The following FRS2 variants were observed in gnomAD, a reference collection of about 807,000 sequenced individuals.
FRS2 encodes the protein fibroblast growth factor receptor substrate 2.
Under a neutral mutation model 43.9 loss-of-function variants are expected in FRS2, and 8 were observed. That is an observed-to-expected ratio of 0.18 (90% CI 0.11 to 0.33). The LOEUF (loss-of-function observed/expected upper bound fraction) is 0.33. Among genes scored for constraint, FRS2 ranks in the 10% least tolerant of loss-of-function variants. The probability of loss-of-function intolerance (pLI) is 1.00; values close to 1 mark genes in which losing one functional copy is unlikely to be tolerated. For missense variants in FRS2, 534 were observed against 627.6 expected (o/e 0.85, Z 1.59); for synonymous variants, 219 against 220.3 (o/e 0.99, Z 0.05).
At chr12:69,472,160 C>A (rs968157326) in intron 1 of FRS2, among the ~76,000 whole-genome samples, 2 of 152,096 alleles carry the variant, frequency 1.3e-5, no homozygotes, top group Non-Finnish European at 2.9e-5. Context: ...CATCATAGCT[C>A]ACTGCAGCCT....
intron 1 of FRS2, among the ~76,000 whole-genome samples, chr12:69,483,113 A>C (rs1439798120): frequency 6.6e-6 from 1 of 152,240 alleles, no homozygotes; most frequent in Non-Finnish European, 1.5e-5. Context: ...AAAACATCTT[A>C]CATAGATGTC....
At chr12:69,492,552 A>G (rs1354427769) in intron 1 of FRS2, among the ~76,000 whole-genome samples, 2 of 152,228 alleles carry the variant, frequency 1.3e-5, no homozygotes, top group African/African-American at 4.8e-5. Context: ...TATGTTAAGC[A>G]TAGTTTATTC....
At chr12:69,493,732 C>CAA (rs1872657251) in intron 1 of FRS2, among the ~76,000 whole-genome samples, 1 of 151,986 alleles carries the variant, frequency 6.6e-6, no homozygotes, top group Non-Finnish European at 1.5e-5. Flanking sequence ...AAAAACAAAA[C>CAA]AAAACAAAAA....
intron 1 of FRS2, among the ~76,000 whole-genome samples, chr12:69,515,642 C>A (rs563732704): frequency 6.6e-6 from 1 of 152,164 alleles, no homozygotes; most frequent in Non-Finnish European, 1.5e-5. Context: ...AAGACAAATA[C>A]ATGTGGAAGA....
intron 1 of FRS2, among the ~76,000 whole-genome samples, chr12:69,478,845 T>C (rs1267410320): frequency 6.6e-6 from 1 of 152,146 alleles, no homozygotes; most frequent in Non-Finnish European, 1.5e-5. Flanking sequence ...TGGCCGTTCA[T>C]GTTTCTCACT....
At chr12:69,475,054 ATAT>A (rs1371620018) in intron 1 of FRS2, among the ~76,000 whole-genome samples, 1 of 152,204 alleles carries the variant, frequency 6.6e-6, no homozygotes, top group Non-Finnish European at 1.5e-5. Context: ...TGAAAGTTAC[ATAT>A]TTTATTTTGG....
Position 69,577,537 on chromosome 12 carries a change from G to C in FRS2, c.*2582G>C, listed in dbSNP as rs2135833205. On this transcript the variant is annotated 3_prime_UTR_variant, in exon 9 of 9. Transcript: ENST00000549921. ...CTAATTTTAGATAATTCTGTTGGTA[G>C]ACCATGTGATCCTTCTTTTTGGTTT... 6.5e-6 allele frequency: 1 copy of C among 152,700 alleles called. No individual in the cohort carries two copies. Among genetic ancestry groups the C allele is most frequent in the African/African-American group, 2.4e-5 (1 of 41,564 alleles). 9.5% of individuals were successfully genotyped at this position (152,700 alleles called of 1,614,324 possible). A position where few individuals can be genotyped will look rare whatever the true frequency, so the allele number is the denominator to read the frequency against.
At chr12:69,523,467 G>A (rs1565745508) in intron 1 of FRS2, among the ~76,000 whole-genome samples, 1 of 152,188 alleles carries the variant, frequency 6.6e-6, no homozygotes, top group African/African-American at 2.4e-5. Flanking sequence ...GTCCATGGGT[G>A]TCACTGCATG....
At chr12:69,476,439 G>C (rs1573630) in intron 1 of FRS2, among the ~76,000 whole-genome samples, 63,440 of 151,902 alleles carry the variant, frequency 0.42, 14,584 homozygotes, top group African/African-American at 0.61. Context: ...TAAATAACTC[G>C]CCTTTGACAT....
intron 1 of FRS2, among the ~76,000 whole-genome samples, chr12:69,496,303 G>A (rs1434385980): frequency 6.6e-6 from 1 of 152,146 alleles, no homozygotes; most frequent in Non-Finnish European, 1.5e-5. Flanking sequence ...CGGGCGTGGT[G>A]GTGGGCACCT....
intron 3 of FRS2, among the ~76,000 whole-genome samples, chr12:69,557,594 T>TTGTGTGTGTGTGCGTGTG (rs796386936): frequency 1.8e-4 from 25 of 137,078 alleles, no homozygotes; most frequent in African/African-American, 6.3e-4. Context: ...TGAAGGTTGA[T>TTGTGTGTGTGTGCGTGTG]TGTGTGTGTG....
rs777518183 is a variant in FRS2 at position 69,510,292 on chromosome 12, C to T, written c.-260-20573C>T. On this transcript the variant is annotated intron_variant, in intron 1 of 8. Coordinates refer to ENST00000549921, the MANE Select transcript of FRS2 (RefSeq NM_001278356.2). ...TCTGTGCAACTTCTCTGAGTGCCCT[C>T]GGTAGAGTTAATTACTCCTTCTGTG... Among the ~76,000 whole-genome samples the T allele has an allele frequency of 5.9e-5, 9 of 152,222 alleles. No individual in the cohort carries two copies. In the South Asian group the frequency reaches 1.2e-3, roughly 21 times the overall value.
At chr12:69,565,427 G>A (rs486124) in intron 4 of FRS2, among the ~76,000 whole-genome samples, 122,125 of 152,112 alleles carry the variant, frequency 0.8, 49,970 homozygotes, top group African/African-American at 0.95. Flanking sequence ...TTTTTCTTCA[G>A]TAATAAATTA....
intron 1 of FRS2, among the ~76,000 whole-genome samples, chr12:69,526,135 G>T (rs1303862166): frequency 6.6e-6 from 1 of 152,164 alleles, no homozygotes; most frequent in African/African-American, 2.4e-5. Flanking sequence ...GGGATTACAG[G>T]TGTGAGCCAT....
rs572091576 is a variant in FRS2 at position 69,556,195 on chromosome 12, C to T, written c.-121-5985C>T. ...GGATTACAGGCGTAAGCCAGCACACCTGGCCCATATTTAGACTTTTAATAT... is the reference window on the plus strand; with the variant it reads ...GGATTACAGGCGTAAGCCAGCACACTTGGCCCATATTTAGACTTTTAATAT... On this transcript the variant is annotated intron_variant, in intron 3 of 8. Transcript: ENST00000549921. 4.6e-5 allele frequency among the ~76,000 whole-genome samples: 7 copies of T among 152,318 alleles called. No homozygotes were observed. The South Asian group carries it at 1.5e-3, about 32-fold the overall frequency.
chr12:69,526,593 A>C (rs1479434525), intron 1 of FRS2, among the ~76,000 whole-genome samples: 1 of 152,248 alleles, frequency 6.6e-6, no homozygotes, highest in African/African-American at 2.4e-5. Context: ...AAAGAAAATT[A>C]GGAAAATTAA....
chr12:69,477,431 C>T (rs1056123962), intron 1 of FRS2, among the ~76,000 whole-genome samples: 14 of 151,652 alleles, frequency 9.2e-5, no homozygotes, highest in Admixed American at 1.3e-4. Context: ...TACAGGCGCC[C>T]GCCAACACGC....
At chr12:69,482,771 T>C (rs1871457199) in intron 1 of FRS2, among the ~76,000 whole-genome samples, 1 of 152,222 alleles carries the variant, frequency 6.6e-6, no homozygotes, top group African/African-American at 2.4e-5. Context: ...GTATAGGCTT[T>C]GAGGTTCAAA....
intron 1 of FRS2, among the ~76,000 whole-genome samples, chr12:69,492,095 A>G (rs1872542206): frequency 6.6e-6 from 1 of 152,234 alleles, no homozygotes. Flanking sequence ...TTGTGCAAAC[A>G]ACTGGCTTTC....
Sources: allele counts gnomAD v4.1 joint callset (sites outside exome capture counted in the v4.1 genomes callset), GRCh38; gene constraint gnomAD v4.1.1; transcripts MANE v1.5; gene names NCBI Gene and HGNC (gene_info 2026-07-23, HGNC 2026-07-21).